Variants in PIK3C2G observed in about 807,000 individuals in gnomAD.
The protein encoded by PIK3C2G is phosphatidylinositol 3-kinase C2 domain-containing subunit gamma.
A neutral mutation model predicts 181.1 loss-of-function variants in PIK3C2G; 168 were observed. That is an observed-to-expected ratio of 0.93 (90% CI 0.82 to 1.05). PIK3C2G has a LOEUF of 1.05. Ranked by LOEUF, PIK3C2G falls within the 50% of genes least tolerant of loss-of-function variation. PIK3C2G has a pLI of 0.00. For synonymous variants in PIK3C2G, 573 were observed against 592.2 expected (o/e 0.97, Z 0.47); for missense variants, 1,869 against 1,732.8 (o/e 1.08, Z -1.40).
At chr12:18,498,854 T>C (rs1319889751) in intron 22 of PIK3C2G, among the ~76,000 whole-genome samples, 1 of 152,238 alleles carries the variant, frequency 6.6e-6, no homozygotes, top group Non-Finnish European at 1.5e-5. Context: ...AATCTCTAGT[T>C]CCTACAACAG....
chr12:18,619,794 G>A (rs1207805971), intron 31 of PIK3C2G, among the ~76,000 whole-genome samples: 1 of 148,744 alleles, frequency 6.7e-6, no homozygotes, highest in Admixed American at 6.7e-5. Flanking sequence ...GCGCGATCTC[G>A]GCTCACTGCA....
At chr12:18,388,267 CTTTTCTTT>C (rs1334122562) in intron 14 of PIK3C2G, among the ~76,000 whole-genome samples, 3 of 151,890 alleles carry the variant, frequency 2.0e-5, no homozygotes, top group East Asian at 1.9e-4. Context: ...TATGTCTTTT[CTTTTCTTT>C]TTTTCTTTTT....
chr12:18,403,436 G>T (rs1334041783), intron 16 of PIK3C2G, among the ~76,000 whole-genome samples: 2 of 152,088 alleles, frequency 1.3e-5, no homozygotes, highest in Non-Finnish European at 2.9e-5. Context: ...TTCCAGAAAT[G>T]AACCTTTCAA....
rs1302761521 is a variant in PIK3C2G at position 18,491,506 on chromosome 12, C to T, written c.2741C>T (p.Thr914Ile). The change falls in exon 20 of 33, where the codon ACT becomes ATT. Residue 914 changes from threonine (T) to isoleucine (I), a missense_variant. Physicochemically the swap from Thr to Ile is moderately conservative, Grantham distance 89. Coordinates refer to ENST00000538779, the MANE Select transcript of PIK3C2G (RefSeq NM_001288772.2). Reference protein sequence around the residue: ...RLEEFFQDVNTCHLPLNPALC... With the variant: ...RLEEFFQDVNICHLPLNPALC... ...GAAGAGTTCTTTCAAGATGTAAATACTTGTCATCTTCCTCTGAACCCTGCC... is the reference window on the plus strand; with the variant it reads ...GAAGAGTTCTTTCAAGATGTAAATATTTGTCATCTTCCTCTGAACCCTGCC... 1 of 1,609,594 alleles carries T rather than the reference C, an allele frequency of 6.2e-7. No individual in the cohort carries two copies. Among genetic ancestry groups the T allele is most frequent in the South Asian group, 1.1e-5 (1 of 90,952 alleles).
intron 17 of PIK3C2G, among the ~76,000 whole-genome samples, chr12:18,423,669 C>A (rs1945617322): frequency 6.6e-6 from 1 of 152,090 alleles, no homozygotes; most frequent in African/African-American, 2.4e-5. Context: ...TCAGTATTCT[C>A]CCCTGGTACA....
chr12:18,654,638 T>C, the PIK3C2G span, among the ~76,000 whole-genome samples: 1 of 152,116 alleles, frequency 6.6e-6, no homozygotes, highest in East Asian at 1.9e-4. Context: ...CAGGTAAAAG[T>C]AAAGCAAAGA....
At chr12:18,681,272 A>T in the PIK3C2G span, among the ~76,000 whole-genome samples, 1 of 152,054 alleles carries the variant, frequency 6.6e-6, no homozygotes, top group African/African-American at 2.4e-5. Flanking sequence ...AACCTAATCT[A>T]GCAGAACACG....
chr12:18,611,327 A>G (rs1247498476), intron 31 of PIK3C2G, among the ~76,000 whole-genome samples: 1 of 152,120 alleles, frequency 6.6e-6, no homozygotes, highest in African/African-American at 2.4e-5. Context: ...AAGAGTTACT[A>G]ATGATGTAGT....
Position 18,391,167 on chromosome 12 carries a change from G to A in PIK3C2G, c.2041G>A (p.Glu681Lys). 1 of 1,607,838 alleles carries A rather than the reference G, an allele frequency of 6.2e-7. No individual in the cohort carries two copies. The change falls in exon 15 of 33, where the codon GAA becomes AAA. Residue 681 changes from glutamate (E) to lysine (K), a missense_variant. By Grantham distance (56) the Glu-to-Lys change is moderately conservative. Transcript: ENST00000538779. The part of the protein sequence containing the change: ...TGWEYMKPDS[E>K]ENRSNLEEPL... Reference sequence around the variant, plus strand: ...GTGGGAGTATATGAAACCTGATTCTGAAGAGAATAGAAGTAATCTTGAAGA... The same window carrying A: ...GTGGGAGTATATGAAACCTGATTCTAAAGAGAATAGAAGTAATCTTGAAGA...
At chr12:18,413,873 C>T (rs1453049342) in intron 16 of PIK3C2G, among the ~76,000 whole-genome samples, 1 of 152,086 alleles carries the variant, frequency 6.6e-6, no homozygotes, top group Non-Finnish European at 1.5e-5. Context: ...CTGTAAATAT[C>T]ACACCAAAGT....
chr12:18,695,232 C>T, the PIK3C2G span, among the ~76,000 whole-genome samples: 262 of 152,268 alleles, frequency 1.7e-3, 1 homozygote, highest in East Asian at 2.1e-3. Context: ...TTTTAAAACT[C>T]TTTCTCCTGC....
intron 1 of PIK3C2G, among the ~76,000 whole-genome samples, chr12:18,261,960 A>G (rs1010692397): frequency 2.0e-5 from 3 of 151,948 alleles, no homozygotes; most frequent in Non-Finnish European, 2.9e-5. Context: ...CTTAGTGTAC[A>G]CTTTTAGTGT....
chr12:18,345,473 T>C (rs1565619986), intron 10 of PIK3C2G, among the ~76,000 whole-genome samples: 1 of 152,200 alleles, frequency 6.6e-6, no homozygotes, highest in Non-Finnish European at 1.5e-5. Context: ...AAATAGCATG[T>C]GTTAAACAAC....
intron 29 of PIK3C2G, among the ~76,000 whole-genome samples, chr12:18,588,408 AC>A (rs1359774092): frequency 3.3e-5 from 5 of 152,112 alleles, no homozygotes; most frequent in African/African-American, 1.2e-4. Context: ...AGGAAAAAAA[AC>A]AACCCCATTA....
At chr12:18,647,767 C>T in intron 32 of PIK3C2G, 109 bp from the exon 33 acceptor site, 1 of 503,658 alleles carries the variant, frequency 2.0e-6, no homozygotes, top group Non-Finnish European at 3.3e-6. Flanking sequence ...CTATCTATTC[C>T]AGGGTATAAG....
At chr12:18,325,975 A>G (rs1034329948) in intron 8 of PIK3C2G, among the ~76,000 whole-genome samples, 4 of 152,132 alleles carry the variant, frequency 2.6e-5, no homozygotes, top group Non-Finnish European at 4.4e-5. Flanking sequence ...TTAGAAGGAC[A>G]TTTCATTAGC....
At position 18,624,893 on chromosome 12, in the gene PIK3C2G, T is replaced by G. The variant is rs77415912; in HGVS notation, c.4182+15264T>G. Among the ~76,000 whole-genome samples the G allele has an allele frequency of 5.7e-3, 861 of 151,786 alleles. 2 individuals carry two copies. The highest frequency in any genetic ancestry group is 0.01 in the Middle Eastern group (3 of 294). On this transcript the variant is annotated intron_variant, in intron 31 of 32. Coordinates refer to ENST00000538779, the MANE Select transcript of PIK3C2G (RefSeq NM_001288772.2). ...GGTGCCAGTTGTAATAGCACTTTTT[T>G]AATTTCTGATTTTAATTTGAGTCCT...
Position 18,472,990 on chromosome 12 carries a change from G to A in PIK3C2G, c.2505-15459G>A, listed in dbSNP as rs571939897. The stretch of plus-strand genomic sequence containing the variant: ...ACTAGGATTACAGGCGTGAGCCGTC[G>A]CGCATGGCCTATTTTGATGTTTTTT... On this transcript the variant is annotated intron_variant, in intron 18 of 32. Transcript: ENST00000538779. Among the ~76,000 whole-genome samples, 14 of 152,160 alleles carry A rather than the reference G, an allele frequency of 9.2e-5. No individual in the cohort carries two copies. The East Asian group carries it at 1.2e-3, about 13-fold the overall frequency.
chr12:18,690,190 G>A, the PIK3C2G span, among the ~76,000 whole-genome samples: 1 of 152,040 alleles, frequency 6.6e-6, no homozygotes, highest in Non-Finnish European at 1.5e-5. Flanking sequence ...CAAATAAGGT[G>A]GAACAAAACA....
Sources: gnomAD v4.1 joint callset for allele counts (sites outside exome capture counted in the v4.1 genomes callset) on GRCh38, gnomAD v4.1.1 for gene constraint, MANE v1.5 for transcripts, NCBI Gene and HGNC (gene_info 2026-07-23, HGNC 2026-07-21) for gene names.